Variants in NRXN1 observed in about 807,000 individuals in gnomAD.
NRXN1 encodes neurexin-1.
NRXN1 carries 39 observed loss-of-function variants against 150.9 expected under a neutral mutation model. The observed-to-expected ratio is 0.26, with a 90% CI of 0.20 to 0.34. NRXN1 has a LOEUF of 0.34. NRXN1 is among the 10% of genes least tolerant of loss of function. The probability of loss-of-function intolerance (pLI) is 1.00; values close to 1 mark genes in which losing one functional copy is unlikely to be tolerated. For missense variants in NRXN1, 1,815 were observed against 1,949.9 expected, an observed-to-expected ratio of 0.93 and a Z score of 1.30; for synonymous variants, 924 against 757.0, an observed-to-expected ratio of 1.22 and a Z score of -3.62.
At chr2:50,680,776 T>C (rs1347126917) in intron 5 of NRXN1, among the ~76,000 whole-genome samples, 1 of 151,666 alleles carries the variant, frequency 6.6e-6, no homozygotes, top group Non-Finnish European at 1.5e-5. Flanking sequence ...AAAAAAAAGC[T>C]AAGCATGCAG....
intron 17 of NRXN1, among the ~76,000 whole-genome samples, chr2:50,291,556 GC>G (rs1443042813): frequency 2.0e-5 from 3 of 152,104 alleles, no homozygotes; most frequent in African/African-American, 7.2e-5. Flanking sequence ...CCCTGAAAAA[GC>G]CATCCTCCCA....
intron 17 of NRXN1, among the ~76,000 whole-genome samples, chr2:50,400,620 T>TC (rs898599029): frequency 3.3e-5 from 5 of 152,128 alleles, no homozygotes; most frequent in African/African-American, 1.2e-4. Context: ...TTAAAAAGGT[T>TC]CCATTGGACT....
intron 17 of NRXN1, among the ~76,000 whole-genome samples, chr2:50,323,649 C>T (rs11899106): frequency 0.43 from 64,906 of 151,412 alleles, 17,087 homozygotes; most frequent in African/African-American, 0.75. Context: ...TCTGACCTTA[C>T]AAATGGTTCA....
chr2:50,528,762 G>A (rs917695894), intron 11 of NRXN1, 111 bp from the exon 12 acceptor site: 3 of 645,554 alleles, frequency 4.6e-6, no homozygotes, highest in Non-Finnish European at 8.3e-6. Context: ...ATGCAAATAT[G>A]GCCACTCCAT....
At chr2:50,144,318 C>T (rs186779118) in intron 18 of NRXN1, among the ~76,000 whole-genome samples, 9 of 151,896 alleles carry the variant, frequency 5.9e-5, no homozygotes, top group Admixed American at 2.0e-4. Context: ...GCCTTGCCCA[C>T]GCTACCACCA....
At chr2:50,051,983 A>AT (rs1282760917) in intron 21 of NRXN1, among the ~76,000 whole-genome samples, 5 of 152,150 alleles carry the variant, frequency 3.3e-5, no homozygotes, top group Middle Eastern at 3.4e-3. Flanking sequence ...TTTAATTTGC[A>AT]TTTTTTGTAT....
At chr2:50,582,158 C>T (rs761153443) in intron 8 of NRXN1, among the ~76,000 whole-genome samples, 8 of 152,050 alleles carry the variant, frequency 5.3e-5, no homozygotes, top group Non-Finnish European at 8.8e-5. Context: ...AAGGATTCCT[C>T]GCTATAAATT....
intron 17 of NRXN1, among the ~76,000 whole-genome samples, chr2:50,243,784 G>A (rs1285289457): frequency 1.3e-5 from 2 of 151,902 alleles, no homozygotes; most frequent in African/African-American, 4.8e-5. Context: ...AAGTCTGAAA[G>A]CAGAAGAGTA....
intron 5 of NRXN1, among the ~76,000 whole-genome samples, chr2:50,716,088 A>G (rs1695836200): frequency 3.9e-5 from 6 of 152,214 alleles, no homozygotes; most frequent in Admixed American, 3.9e-4. Flanking sequence ...ATATAAATGA[A>G]GTAAATGAAA....
At chr2:50,342,548 T>G (rs1220407993) in intron 17 of NRXN1, among the ~76,000 whole-genome samples, 1 of 152,214 alleles carries the variant, frequency 6.6e-6, no homozygotes, top group East Asian at 1.9e-4. Context: ...GATTACTCTA[T>G]GAAACATTAA....
At chr2:50,250,832 G>T (rs1019460043) in intron 17 of NRXN1, among the ~76,000 whole-genome samples, 1 of 151,140 alleles carries the variant, frequency 6.6e-6, no homozygotes, top group Non-Finnish European at 1.5e-5. Flanking sequence ...TGTGCAGTAC[G>T]TGCAGGTTTA....
At chr2:50,723,759 A>G (rs888033995) in intron 5 of NRXN1, among the ~76,000 whole-genome samples, 1 of 152,218 alleles carries the variant, frequency 6.6e-6, no homozygotes, top group African/African-American at 2.4e-5. Context: ...TCAGGGTACC[A>G]ACAGGAGACT....
chr2:50,280,944 T>C (rs2071352951), intron 17 of NRXN1, among the ~76,000 whole-genome samples: 1 of 151,992 alleles, frequency 6.6e-6, no homozygotes, highest in Admixed American at 6.6e-5. Context: ...GGTGAAAAAA[T>C]ATACATTTCA....
chr2:50,610,490 TAGAGA>T, intron 8 of NRXN1, among the ~76,000 whole-genome samples: 2 of 151,106 alleles, frequency 1.3e-5, no homozygotes, highest in East Asian at 3.9e-4. Flanking sequence ...ATTGTATTAT[TAGAGA>T]AATTTTTCAT....
intron 18 of NRXN1, among the ~76,000 whole-genome samples, chr2:50,221,252 G>A (rs2152858202): frequency 6.6e-6 from 1 of 151,902 alleles, no homozygotes; most frequent in Admixed American, 6.6e-5. Context: ...CTGAAATCTG[G>A]GATTATTAGA....
chr2:49,926,662 A>G (rs1434060065), intron 22 of NRXN1, among the ~76,000 whole-genome samples: 4 of 152,220 alleles, frequency 2.6e-5, no homozygotes, highest in Non-Finnish European at 1.5e-5. Context: ...AGTAAAAAAA[A>G]ATCTTTAAGA....
At chr2:50,616,753 T>C (rs1679128545) in intron 8 of NRXN1, among the ~76,000 whole-genome samples, 1 of 152,166 alleles carries the variant, frequency 6.6e-6, no homozygotes, top group Non-Finnish European at 1.5e-5. Flanking sequence ...ATTTCTTCCA[T>C]GACTTCAGAC....
chr2:50,955,736 C>T (rs186147328), intron 2 of NRXN1, among the ~76,000 whole-genome samples: 184 of 152,218 alleles, frequency 1.2e-3, no homozygotes, highest in Non-Finnish European at 2.2e-3. Flanking sequence ...TTTTACATTT[C>T]CCAAGAACAT....
intron 5 of NRXN1, among the ~76,000 whole-genome samples, chr2:50,812,122 T>C (rs977409872): frequency 6.6e-6 from 1 of 152,262 alleles, no homozygotes; most frequent in South Asian, 2.1e-4. Context: ...TGGTTAGATA[T>C]TTTTATTTAA....
Sources: gnomAD v4.1 joint callset for allele counts (sites outside exome capture counted in the v4.1 genomes callset) on GRCh38, gnomAD v4.1.1 for gene constraint, MANE v1.5 for transcripts, NCBI Gene and HGNC (gene_info 2026-07-23, HGNC 2026-07-21) for gene names.